The following FGGY variants were observed in gnomAD, a reference collection of about 807,000 sequenced individuals.
FGGY encodes FGGY carbohydrate kinase domain-containing protein.
Under a neutral mutation model 71.3 loss-of-function variants are expected in FGGY, and 72 were observed. The ratio of observed to expected loss-of-function variants is 1.01; its 90% CI spans 0.84 to 1.23. FGGY has a LOEUF of 1.23. Among genes scored for constraint, FGGY ranks in the 50% most tolerant of loss-of-function variants. The pLI is 0.00. For synonymous variants in FGGY, 251 were observed against 250.3 expected, an observed-to-expected ratio of 1.00 and a Z score of -0.02; for missense variants, 668 against 682.3, an observed-to-expected ratio of 0.98 and a Z score of 0.23.
At chr1:59,692,750 A>C (rs1189457650) in intron 14 of FGGY, among the ~76,000 whole-genome samples, 1 of 152,196 alleles carries the variant, frequency 6.6e-6, no homozygotes, top group African/African-American at 2.4e-5. Context: ...AACTATCACC[A>C]TAGCAACAGG....
At chr1:59,349,032 C>G (rs1450978349) in intron 4 of FGGY, among the ~76,000 whole-genome samples, 3 of 152,156 alleles carry the variant, frequency 2.0e-5, no homozygotes, top group Non-Finnish European at 4.4e-5. Flanking sequence ...TAGAACTGTT[C>G]TGCGCTGCCC....
chr1:59,543,221 G>A (rs2095471506), intron 7 of FGGY, among the ~76,000 whole-genome samples: 1 of 152,090 alleles, frequency 6.6e-6, no homozygotes, highest in Non-Finnish European at 1.5e-5. Flanking sequence ...TTAGGGTTTT[G>A]TTTTGTTTTG....
At position 59,633,033 on chromosome 1, in the gene FGGY, C is replaced by T. The variant is rs148735217; in HGVS notation, c.1074-5195C>T. Among the ~76,000 whole-genome samples the T allele has an allele frequency of 7.3e-3, 998 of 136,840 alleles. 6 individuals are homozygous for T. Among genetic ancestry groups the T allele is most frequent in the Middle Eastern group, 0.07 (18 of 258 alleles). The allele number at this position is 136,840 out of a possible 152,430, so 89.8% of individuals were successfully genotyped here. A position where few individuals can be genotyped will look rare whatever the true frequency, so the allele number is the denominator to read the frequency against. The stretch of plus-strand genomic sequence containing the variant: ...TTTTTTTTTTTCTTTTTTTTTGAGA[C>T]GGAGTCTCGCACTTTCACCCAGGCT... On this transcript the variant is annotated intron_variant, in intron 10 of 15. Transcript: ENST00000303721.
In FGGY at chr1:59,527,697, A is replaced by G. The variant is rs562372435; in HGVS notation, c.799+15258A>G. ...TGGTGGTGATGACAAATTACCCCAC[A>G]TAACTTGCCTCTGTTCCTGTTTTAG... On this transcript the variant is annotated intron_variant, in intron 7 of 15. Coordinates refer to ENST00000303721, the MANE Select transcript of FGGY (RefSeq NM_018291.5). 1.3e-3 allele frequency among the ~76,000 whole-genome samples: 202 copies of G among 152,362 alleles called. 2 individuals are homozygous for G. The highest frequency in any genetic ancestry group is 4.5e-3 in the African/African-American group (189 of 41,590).
intron 14 of FGGY, among the ~76,000 whole-genome samples, chr1:59,682,656 A>G (rs2097512388): frequency 6.6e-6 from 1 of 152,132 alleles, no homozygotes; most frequent in South Asian, 2.1e-4. Flanking sequence ...CTGCCTCACC[A>G]TTGGCTGGAA....
At chr1:59,374,453 T>TCCAA (rs1557714680) in intron 4 of FGGY, among the ~76,000 whole-genome samples, 1 of 151,490 alleles carries the variant, frequency 6.6e-6, no homozygotes, top group East Asian at 1.9e-4. Flanking sequence ...TACACTGTTG[T>TCCAA]TGGGACTGTA....
At chr1:59,336,731 A>G (rs578006302) in intron 2 of FGGY, among the ~76,000 whole-genome samples, 95 of 152,114 alleles carry the variant, frequency 6.2e-4, no homozygotes, top group African/African-American at 2.3e-3. Flanking sequence ...CTTATGAGTG[A>G]GAACATGCGG....
At chr1:59,618,264 AT>A (rs1266758760) in intron 9 of FGGY, among the ~76,000 whole-genome samples, 1 of 152,134 alleles carries the variant, frequency 6.6e-6, no homozygotes, top group East Asian at 1.9e-4. Context: ...TGTACCAAAT[AT>A]TTTTAGGCCC....
chr1:59,695,874 A>G (rs1390238723), intron 14 of FGGY, among the ~76,000 whole-genome samples: 1 of 151,822 alleles, frequency 6.6e-6, no homozygotes, highest in Non-Finnish European at 1.5e-5. Flanking sequence ...CCCCCTCCCA[A>G]CCATTTGATG....
intron 5 of FGGY, among the ~76,000 whole-genome samples, chr1:59,391,349 G>A (rs879696513): frequency 1.3e-5 from 2 of 152,194 alleles, no homozygotes; most frequent in African/African-American, 2.4e-5. Context: ...GCTGGAGGCA[G>A]TGGGGGAGTC....
At chr1:59,527,603 T>C (rs1176605551) in intron 7 of FGGY, among the ~76,000 whole-genome samples, 1 of 152,374 alleles carries the variant, frequency 6.6e-6, no homozygotes, top group East Asian at 1.9e-4. Flanking sequence ...TCTGAGCTGC[T>C]GAATGTTCTT....
intron 1 of FGGY, among the ~76,000 whole-genome samples, chr1:59,316,855 G>T (rs1428678089): frequency 6.6e-6 from 1 of 152,102 alleles, no homozygotes; most frequent in African/African-American, 2.4e-5. Context: ...TCCACAGTCC[G>T]TGCCCTCATT....
At chr1:59,423,508 A>C (rs909615891) in intron 5 of FGGY, among the ~76,000 whole-genome samples, 4 of 152,136 alleles carry the variant, frequency 2.6e-5, no homozygotes, top group African/African-American at 9.7e-5. Flanking sequence ...AACAGCCTCC[A>C]TACTGGTCTT....
chr1:59,459,779 A>G (rs1019105284), intron 6 of FGGY, among the ~76,000 whole-genome samples: 9 of 152,224 alleles, frequency 5.9e-5, no homozygotes, highest in African/African-American at 2.2e-4. Context: ...CCATTTCAGC[A>G]TGCCGCGGTT....
intron 5 of FGGY, among the ~76,000 whole-genome samples, chr1:59,430,388 C>CT (rs2067131040): frequency 2.0e-5 from 3 of 152,046 alleles, no homozygotes; most frequent in Admixed American, 2.0e-4. Flanking sequence ...CATTTCATGT[C>CT]TTTTTTGGTG....
rs113073262 is a variant in FGGY at position 59,587,225 on chromosome 1, G to A, written c.904-20578G>A. Among the ~76,000 whole-genome samples, 802 of 152,288 alleles carry A rather than the reference G, an allele frequency of 5.3e-3. 5 individuals carry two copies. The highest frequency in any genetic ancestry group is 6.9e-3 in the Non-Finnish European group (466 of 68,026). ...GCAGTCTGAGATCAAACTGCAAGGC[G>A]GCAGCAAGGCTGGGGGAGGGGCGCC... On this transcript the variant is annotated intron_variant, in intron 8 of 15. Transcript: ENST00000303721.
chr1:59,507,682 T>TC (rs2094422538), intron 6 of FGGY, among the ~76,000 whole-genome samples: 1 of 127,606 alleles, frequency 7.8e-6, no homozygotes, highest in Non-Finnish European at 1.7e-5. Context: ...CATGCTTGGC[T>TC]AATTTTTTTT....
At chr1:59,452,252 T>C (rs528522931) in intron 5 of FGGY, among the ~76,000 whole-genome samples, 2 of 152,238 alleles carry the variant, frequency 1.3e-5, no homozygotes, top group South Asian at 2.1e-4. Context: ...GTGGGAGAGA[T>C]GGTGAAATGA....
In FGGY at chr1:59,298,824, A is replaced by G. The variant is rs75558258; in HGVS notation, c.-15+1674A>G. Among the ~76,000 whole-genome samples, 1,292 of 152,258 alleles carry G rather than the reference A, an allele frequency of 8.5e-3. 15 individuals carry two copies. The highest frequency in any genetic ancestry group is 0.029 in the African/African-American group (1,214 of 41,544). ...CTTCTCACCCGCCCACCTTTTTATA[A>G]TGGAGGGACATAGAATCAACCCAGG... On this transcript the variant is annotated intron_variant, in intron 1 of 15. Coordinates refer to ENST00000303721, the MANE Select transcript of FGGY (RefSeq NM_018291.5).
Sources: allele counts gnomAD v4.1 joint callset (sites outside exome capture counted in the v4.1 genomes callset), GRCh38; gene constraint gnomAD v4.1.1; transcripts MANE v1.5; gene names NCBI Gene and HGNC (gene_info 2026-07-23, HGNC 2026-07-21).